MDN1: variants seen among roughly 807,000 people sequenced by gnomAD.
MDN1 encodes the protein midasin AAA ATPase 1.
In MDN1, 266 loss-of-function variants were observed where a neutral mutation model predicts 669.2. That is an observed-to-expected ratio of 0.40 (90% CI 0.36 to 0.44). The LOEUF (loss-of-function observed/expected upper bound fraction) is 0.44, where lower values mean the gene tolerates loss of function less well. Ranked by LOEUF, MDN1 falls within the 20% of genes least tolerant of loss-of-function variation. The pLI, the probability that MDN1 is intolerant of heterozygous loss-of-function variation, is 1.00. For synonymous variants in MDN1, 2,385 were observed against 2,457.1 expected (o/e 0.97, Z 0.87); for missense variants, 5,940 against 6,754.0 (o/e 0.88, Z 4.22).
intron 2 of MDN1, 141 bp downstream of exon 2, chr6:89,803,187 T>C: frequency 1.4e-6 from 1 of 738,724 alleles, no homozygotes; most frequent in South Asian, 1.7e-5. Flanking sequence ...CTGCTGTGAC[T>C]CTTTTTATAA....
rs566598126 is a variant in MDN1, at chr6:89,749,674, C to G, written c.3484G>C (p.Glu1162Gln). 1.2e-6 allele frequency: 2 copies of G among 1,614,138 alleles called. No individual in the cohort carries two copies. The highest frequency in any genetic ancestry group is 3.3e-5 in the Admixed American group (2 of 60,024). ...ELNLAPTDVL[E>Q]ALNRLLDDNR... ...TCATCCAACAGCCTATTCAGCGCCT[C>G]TAACACATCAGTAGGGGCCAAATTT... The change falls in exon 25 of 102, where the codon GAG becomes CAG. Residue 1162 changes from glutamate to glutamine, a missense_variant. Glu to Gln is a conservative substitution (Grantham distance 29, BLOSUM62 2). Coordinates refer to ENST00000369393, the MANE Select transcript of MDN1 (RefSeq NM_014611.3).
chr6:89,755,699 G>A (rs942505151), intron 20 of MDN1, among the ~76,000 whole-genome samples: 2 of 152,170 alleles, frequency 1.3e-5, no homozygotes, highest in Non-Finnish European at 2.9e-5. Flanking sequence ...GGCCCAGAAT[G>A]ACACAATTAG....
At chr6:89,664,377 C>A in intron 85 of MDN1, 110 bp downstream of exon 85, 2 of 1,395,388 alleles carry the variant, frequency 1.4e-6, no homozygotes, top group East Asian at 2.3e-5. Flanking sequence ...AGCACAGTAA[C>A]CAACTTGTTT....
intron 33 of MDN1, among the ~76,000 whole-genome samples, chr6:89,737,666 A>G (rs561091609): frequency 4.1e-4 from 62 of 151,858 alleles, no homozygotes; most frequent in Middle Eastern, 6.9e-3. Flanking sequence ...TTAATTAATT[A>G]ATTTTGAGAT....
intron 101 of MDN1, 113 bp downstream of exon 101, chr6:89,644,902 A>C: frequency 1.7e-6 from 2 of 1,158,330 alleles, no homozygotes; most frequent in Non-Finnish European, 2.4e-6. Flanking sequence ...GAATACTATG[A>C]ATGCTGGGAG....
chr6:89,667,157 T>A (rs1319398965), intron 84 of MDN1, among the ~76,000 whole-genome samples: 1 of 152,232 alleles, frequency 6.6e-6, no homozygotes, highest in Non-Finnish European at 1.5e-5. Context: ...TGTGAACTTT[T>A]CTATTAGATT....
At chr6:89,758,544 G>A (rs1584327476) in intron 18 of MDN1, among the ~76,000 whole-genome samples, 193 bp from the exon 19 acceptor site, 1 of 152,060 alleles carries the variant, frequency 6.6e-6, no homozygotes, top group Middle Eastern at 3.2e-3. Context: ...TTTATTCACT[G>A]TTATTTATCT....
At chr6:89,756,901 AC>A (rs1352993235) in intron 19 of MDN1, among the ~76,000 whole-genome samples, 1 of 151,820 alleles carries the variant, frequency 6.6e-6, no homozygotes, top group Admixed American at 6.6e-5. Context: ...AGCCTGGGCG[AC>A]AGAGGGAGAC....
chr6:89,745,918 T>C (rs1441118866), intron 27 of MDN1, among the ~76,000 whole-genome samples: 1 of 152,088 alleles, frequency 6.6e-6, no homozygotes, highest in Non-Finnish European at 1.5e-5. Context: ...CAGATGTCCA[T>C]AACCAAGAGA....
chr6:89,728,612 C>T (rs551588383), intron 36 of MDN1, among the ~76,000 whole-genome samples: 1 of 152,276 alleles, frequency 6.6e-6, no homozygotes. Flanking sequence ...AGGTGGATCA[C>T]TTGACATAAG....
intron 99 of MDN1, 136 bp downstream of exon 99, chr6:89,647,896 T>C (rs1808589419): frequency 1.5e-6 from 1 of 676,482 alleles, no homozygotes; most frequent in Admixed American, 2.6e-5. Context: ...GAAGCTATAG[T>C]GAGCTATGAT....
intron 1 of MDN1, among the ~76,000 whole-genome samples, chr6:89,814,026 C>T (rs1407253182): frequency 6.6e-6 from 1 of 151,784 alleles, no homozygotes; most frequent in African/African-American, 2.4e-5. Flanking sequence ...TCAGTTGAAC[C>T]TAGGATGTCA....
chr6:89,754,247 G>C lies in MDN1; in HGVS notation c.2817-17C>G, dbSNP rs993912610. On this transcript the variant is annotated splice_polypyrimidine_tract_variant and intron_variant, in intron 20 of 101. Transcript: ENST00000369393. ...GTGTAGAAGCTACAAATAGAATAAA[G>C]GTCAGGCAATTTTATTTACTAATAA... 6.2e-7 allele frequency: 1 copy of C among 1,605,214 alleles called. No homozygotes were observed.
intron 50 of MDN1, among the ~76,000 whole-genome samples, chr6:89,709,148 T>C (rs1306698551): frequency 6.6e-6 from 1 of 152,120 alleles, no homozygotes; most frequent in African/African-American, 2.4e-5. Context: ...ACACAACTTC[T>C]GTGAAGCAGC....
rs551559438 is a variant in MDN1, at chr6:89,649,731, A to G, written c.16206+293T>C. ...AGATTTACTTATTCTGCAACTAGAC[A>G]GTTAAGAACAAACAGCAAGGTCAAG... On this transcript the variant is annotated intron_variant, in intron 97 of 101. Transcript: ENST00000369393. 1.3e-3 allele frequency among the ~76,000 whole-genome samples: 205 copies of G among 152,216 alleles called. 1 individual carries two copies. The highest frequency in any genetic ancestry group is 2.4e-3 in the Non-Finnish European group (160 of 68,042).
At chr6:89,693,758 C>T (rs1187855260) in intron 62 of MDN1, among the ~76,000 whole-genome samples, 2 of 152,126 alleles carry the variant, frequency 1.3e-5, no homozygotes, top group African/African-American at 4.8e-5. Flanking sequence ...CAACCCGTAC[C>T]ATATTTCCTA....
chr6:89,723,241 A>G (rs1814966831), intron 39 of MDN1, 98 bp from the exon 40 acceptor site: 1 of 1,181,640 alleles, frequency 8.5e-7, no homozygotes, highest in Non-Finnish European at 1.2e-6. Flanking sequence ...TGTAATCTGA[A>G]ACAAAAATTA....
chr6:89,756,988 C>T (rs988004524), intron 19 of MDN1, among the ~76,000 whole-genome samples: 1 of 151,446 alleles, frequency 6.6e-6, no homozygotes, highest in East Asian at 1.9e-4. Context: ...TTATCATAAT[C>T]GCCTATTTAA....
At chr6:89,732,470 A>T in intron 34 of MDN1, 87 bp downstream of exon 34, 1 of 1,114,606 alleles carries the variant, frequency 9.0e-7, no homozygotes, top group Non-Finnish European at 1.3e-6. Context: ...ATTCAGTAAA[A>T]TAGCTGGGTC....
Sources: gnomAD v4.1 joint callset for allele counts (sites outside exome capture counted in the v4.1 genomes callset) on GRCh38, gnomAD v4.1.1 for gene constraint, MANE v1.5 for transcripts, NCBI Gene and HGNC (gene_info 2026-07-23, HGNC 2026-07-21) for gene names.